OXSR1: variants seen among roughly 807,000 people sequenced by gnomAD.
OXSR1 encodes the protein serine/threonine-protein kinase OSR1.
Under a neutral mutation model 79.8 loss-of-function variants are expected in OXSR1, and 24 were observed. That is an observed-to-expected ratio of 0.30 (90% CI 0.22 to 0.42). The LOEUF is 0.42. OXSR1 is among the 10% of genes least tolerant of loss of function. The pLI is 1.00. For synonymous variants in OXSR1, 226 were observed against 209.2 expected, an observed-to-expected ratio of 1.08 and a Z score of -0.69; for missense variants, 430 against 618.4, an observed-to-expected ratio of 0.70 and a Z score of 3.23.
At chr3:38,250,483 C>A (rs1326869098) in intron 15 of OXSR1, among the ~76,000 whole-genome samples, 3 of 152,168 alleles carry the variant, frequency 2.0e-5, no homozygotes, top group Non-Finnish European at 1.5e-5. Context: ...GGTAAAGAAA[C>A]AAGGTCTGCA....
chr3:38,245,935 A>G lies in OXSR1; in HGVS notation c.1111-140A>G. ...TATTTGACTTCCGTTTGGAATAGAT[A>G]TATTCGGAGTAGACACAAAACCTGT... On this transcript the variant is annotated intron_variant, in intron 12 of 17. Transcript: ENST00000311806. 7.5e-6 allele frequency: 5 copies of G among 670,614 alleles called. No homozygotes were observed. The South Asian group carries it at 9.2e-5, about 12-fold the overall frequency. The allele number at this position is 670,614 out of a possible 1,614,324, so 41.5% of individuals were successfully genotyped here.
At chr3:38,206,081 A>G (rs1353091059) in intron 4 of OXSR1, among the ~76,000 whole-genome samples, 2 of 152,234 alleles carry the variant, frequency 1.3e-5, no homozygotes, top group African/African-American at 4.8e-5. Context: ...CTAAAGAAAA[A>G]AAGTTATTAT....
intron 4 of OXSR1, among the ~76,000 whole-genome samples, chr3:38,203,962 A>G (rs1019861952): frequency 2.0e-5 from 3 of 152,194 alleles, no homozygotes; most frequent in Non-Finnish European, 4.4e-5. Flanking sequence ...CAGAGATGCC[A>G]TCAGAGAGCC....
intron 14 of OXSR1, among the ~76,000 whole-genome samples, chr3:38,248,186 G>A (rs1037070331): frequency 6.6e-6 from 1 of 151,972 alleles, no homozygotes; most frequent in Non-Finnish European, 1.5e-5. Flanking sequence ...AAGGTTAAAA[G>A]GAAACTTCTA....
chr3:38,211,954 C>T (rs1007782607), intron 4 of OXSR1, among the ~76,000 whole-genome samples: 15 of 152,314 alleles, frequency 9.8e-5, no homozygotes, highest in African/African-American at 2.6e-4. Flanking sequence ...ACGCAGCATT[C>T]GCCATTTAGC....
intron 7 of OXSR1, among the ~76,000 whole-genome samples, chr3:38,224,144 T>C (rs1325857045): frequency 6.6e-6 from 1 of 152,246 alleles, no homozygotes; most frequent in Non-Finnish European, 1.5e-5. Flanking sequence ...ACTGGAACTC[T>C]ATACCCATTA....
intron 4 of OXSR1, among the ~76,000 whole-genome samples, chr3:38,200,261 G>T (rs901940392): frequency 2.0e-5 from 3 of 152,050 alleles, no homozygotes; most frequent in Admixed American, 1.3e-4. Flanking sequence ...GAGAGAGAGA[G>T]CAGGCTTGGG....
intron 2 of OXSR1, among the ~76,000 whole-genome samples, chr3:38,183,669 C>A (rs1701828350): frequency 6.6e-6 from 1 of 152,042 alleles, no homozygotes; most frequent in African/African-American, 2.4e-5. Context: ...GGATATAAGA[C>A]AAGAGATAGA....
chr3:38,205,015 C>T (rs1702239561), intron 4 of OXSR1, among the ~76,000 whole-genome samples: 1 of 152,210 alleles, frequency 6.6e-6, no homozygotes, highest in African/African-American at 2.4e-5. Context: ...GCAATTCCCC[C>T]TGGCTAGAGC....
At chr3:38,197,913 ACTT>A (rs1352765976) in intron 3 of OXSR1, among the ~76,000 whole-genome samples, 1 of 152,102 alleles carries the variant, frequency 6.6e-6, no homozygotes, top group African/African-American at 2.4e-5. Flanking sequence ...AATGTTCTAG[ACTT>A]CTTGGCACAG....
At chr3:38,239,139 A>G (rs1702976927) in intron 11 of OXSR1, among the ~76,000 whole-genome samples, 1 of 152,054 alleles carries the variant, frequency 6.6e-6, no homozygotes, top group Admixed American at 6.6e-5. Context: ...CTATGTCTCT[A>G]CTTAACTTTT....
At chr3:38,172,765 T>A (rs565740396) in intron 1 of OXSR1, among the ~76,000 whole-genome samples, 3 of 152,332 alleles carry the variant, frequency 2.0e-5, no homozygotes. Flanking sequence ...GCCAACAACC[T>A]CATAGTGTTG....
At chr3:38,230,978 C>A (rs890002225) in intron 10 of OXSR1, among the ~76,000 whole-genome samples, 1 of 152,138 alleles carries the variant, frequency 6.6e-6, no homozygotes, top group Non-Finnish European at 1.5e-5. Context: ...ACTCTTACTT[C>A]TCTGCTCAAG....
upstream of OXSR1, among the ~76,000 whole-genome samples, chr3:38,164,860 G>A (rs1326750652): frequency 6.6e-6 from 1 of 151,846 alleles, no homozygotes; most frequent in Non-Finnish European, 1.5e-5. Context: ...GAGAACGTCC[G>A]CCTTGAAAAA....
chr3:38,202,080 A>T (rs568762250), intron 4 of OXSR1, among the ~76,000 whole-genome samples: 1 of 151,972 alleles, frequency 6.6e-6, no homozygotes, highest in Non-Finnish European at 1.5e-5. Flanking sequence ...TAGAGTAGTC[A>T]TAGTAGAGTA....
At chr3:38,191,247 T>C (rs1701980154) in intron 3 of OXSR1, among the ~76,000 whole-genome samples, 1 of 149,320 alleles carries the variant, frequency 6.7e-6, no homozygotes, top group East Asian at 2.0e-4. Flanking sequence ...TTTTTTTTTT[T>C]GGAGATGGGG....
chr3:38,175,199 T>C (rs1023266075), intron 1 of OXSR1, among the ~76,000 whole-genome samples: 8 of 152,258 alleles, frequency 5.3e-5, no homozygotes, highest in African/African-American at 1.9e-4. Context: ...AAGCCTATTA[T>C]AGTGATGGCT....
chr3:38,208,576 T>C (rs1221726268), intron 4 of OXSR1, among the ~76,000 whole-genome samples: 1 of 152,168 alleles, frequency 6.6e-6, no homozygotes, highest in African/African-American at 2.4e-5. Flanking sequence ...AGATGACTGA[T>C]TTTTACCTAT....
rs1391859833 is a variant in OXSR1, at chr3:38,198,730, C to G, written c.301C>G (p.Leu101Val). The part of the protein sequence containing the change: ...VMKLLSGGSV[L>V]DIIKHIVAKG... Reference sequence around the variant, plus strand: ...ATGTCTTCTGTTTTCAGGTTCTGTTCTGGATATTATTAAGCACATTGTGGC... The same window carrying G: ...ATGTCTTCTGTTTTCAGGTTCTGTTGTGGATATTATTAAGCACATTGTGGC... The change falls in exon 4 of 18, where the codon CTG becomes GTG. Residue 101 changes from leucine to valine, a missense_variant. This residue lies in a region of OXSR1 where 145 missense variants were observed against 228.3 expected (regional missense o/e 0.64). Transcript: ENST00000311806. 2 of 1,609,420 alleles carry G rather than the reference C, an allele frequency of 1.2e-6. No homozygotes were observed. Among genetic ancestry groups the G allele is most frequent in the Middle Eastern group, 1.7e-4 (1 of 6,058 alleles).
Sources: allele counts gnomAD v4.1 joint callset (sites outside exome capture counted in the v4.1 genomes callset), GRCh38; gene constraint gnomAD v4.1.1; regional missense constraint gnomAD v4.1.1; transcripts MANE v1.5; gene names NCBI Gene and HGNC (gene_info 2026-07-23, HGNC 2026-07-21).